OXR1: variants seen among roughly 807,000 people sequenced by gnomAD.
OXR1 encodes the protein oxidation resistance protein 1.
OXR1 carries 41 observed loss-of-function variants against 104.6 expected under a neutral mutation model. The observed-to-expected ratio is 0.39, with a 90% CI of 0.31 to 0.51. The LOEUF is 0.51. Among genes scored for constraint, OXR1 ranks in the 20% least tolerant of loss-of-function variants. OXR1 has a pLI of 0.77. For missense variants in OXR1, 955 were observed against 1,031.9 expected (o/e 0.93, Z 1.02); for synonymous variants, 348 against 348.4 (o/e 1.00, Z 0.01).
intron 6 of OXR1, among the ~76,000 whole-genome samples, chr8:106,687,785 A>G (rs868491542): frequency 7.2e-5 from 11 of 151,766 alleles, no homozygotes; most frequent in South Asian, 2.1e-4. Context: ...TATTGTATCC[A>G]TTTTATAGAG....
At chr8:106,420,419 C>G (rs938137593) in intron 2 of OXR1, among the ~76,000 whole-genome samples, 1 of 151,318 alleles carries the variant, frequency 6.6e-6, no homozygotes, top group African/African-American at 2.4e-5. Flanking sequence ...AATTTCAGTT[C>G]CAATTTTACA....
intron 7 of OXR1, chr8:106,697,791 C>G: frequency 6.2e-7 from 1 of 1,612,714 alleles, no homozygotes; most frequent in Middle Eastern, 1.7e-4. Flanking sequence ...TTACTGGGAC[C>G]TGCCCCTTGG....
chr8:106,634,001 G>A (rs980683497), intron 3 of OXR1, among the ~76,000 whole-genome samples: 1 of 152,104 alleles, frequency 6.6e-6, no homozygotes, highest in Non-Finnish European at 1.5e-5. Context: ...TACCTGAATC[G>A]ACAATAATCT....
intron 7 of OXR1, among the ~76,000 whole-genome samples, chr8:106,698,633 C>G (rs1830302080): frequency 6.6e-6 from 1 of 151,918 alleles, no homozygotes; most frequent in Non-Finnish European, 1.5e-5. Flanking sequence ...TTAAATTCAC[C>G]AATTTTTTTT....
chr8:106,422,443 G>A (rs1323999824), intron 2 of OXR1, among the ~76,000 whole-genome samples: 3 of 151,958 alleles, frequency 2.0e-5, no homozygotes, highest in South Asian at 2.1e-4. Context: ...CCTAGATTCC[G>A]TGCTGTGTCT....
intron 2 of OXR1, among the ~76,000 whole-genome samples, chr8:106,462,763 T>C (rs1820977176): frequency 6.6e-6 from 1 of 151,296 alleles, no homozygotes; most frequent in South Asian, 2.1e-4. Flanking sequence ...CCTTGGGAGA[T>C]GCATTCACTT....
intron 8 of OXR1, among the ~76,000 whole-genome samples, chr8:106,703,737 A>G (rs1830809202): frequency 6.6e-6 from 1 of 151,646 alleles, no homozygotes; most frequent in South Asian, 2.1e-4. Context: ...AGTAATGGCC[A>G]GAAAGAAAAG....
chr8:106,679,325 C>A, intron 4 of OXR1, 33 bp downstream of exon 4: 1 of 1,183,474 alleles, frequency 8.4e-7, no homozygotes, highest in Non-Finnish European at 1.2e-6. Flanking sequence ...AGCTATTTTT[C>A]TTTGTAAGAG....
At chr8:106,630,579 G>A (rs1034073439) in intron 3 of OXR1, among the ~76,000 whole-genome samples, 2 of 152,166 alleles carry the variant, frequency 1.3e-5, no homozygotes, top group Non-Finnish European at 2.9e-5. Context: ...TCATATGCAC[G>A]TGCAAGAAGT....
At chr8:106,427,283 C>T (rs1050996607) in intron 2 of OXR1, among the ~76,000 whole-genome samples, 3 of 152,098 alleles carry the variant, frequency 2.0e-5, no homozygotes, top group African/African-American at 7.2e-5. Flanking sequence ...TCTCCTGCCT[C>T]AGCCTCCCTA....
intron 1 of OXR1, among the ~76,000 whole-genome samples, chr8:106,303,074 A>T (rs867309227): frequency 4.0e-5 from 6 of 149,614 alleles, no homozygotes; most frequent in Admixed American, 6.6e-5. Flanking sequence ...TTTTTTTTTT[A>T]AATTACAGAT....
intron 1 of OXR1, among the ~76,000 whole-genome samples, chr8:106,343,828 GTTAAC>G (rs1432974796): frequency 3.9e-5 from 6 of 152,316 alleles, no homozygotes; most frequent in East Asian, 3.9e-4. Flanking sequence ...TTTTGCATGT[GTTAAC>G]TTAATTTTTA....
intron 1 of OXR1, among the ~76,000 whole-genome samples, chr8:106,278,615 T>A (rs7822653): frequency 0.043 from 6,508 of 152,302 alleles, 349 homozygotes; most frequent in African/African-American, 0.12. Flanking sequence ...CTTACTTTTT[T>A]AATTAACATA....
At chr8:106,698,899 T>G (rs1470062983) in intron 7 of OXR1, among the ~76,000 whole-genome samples, 1 of 152,192 alleles carries the variant, frequency 6.6e-6, no homozygotes, top group Non-Finnish European at 1.5e-5. Context: ...TTTACATGCC[T>G]GGTAATTTTT....
chr8:106,271,432 A>G (rs1811803322), intron 1 of OXR1, among the ~76,000 whole-genome samples: 1 of 151,538 alleles, frequency 6.6e-6, no homozygotes, highest in African/African-American at 2.4e-5. Flanking sequence ...GGGTAGGGGG[A>G]GTGGTGTCAG....
At chr8:106,636,495 AT>A (rs1208751004) in intron 3 of OXR1, among the ~76,000 whole-genome samples, 2 of 152,208 alleles carry the variant, frequency 1.3e-5, no homozygotes, top group African/African-American at 4.8e-5. Flanking sequence ...CTCAGCCATC[AT>A]CCCCAGAGAT....
At chr8:106,448,221 T>A (rs1820108521) in intron 2 of OXR1, among the ~76,000 whole-genome samples, 1 of 152,214 alleles carries the variant, frequency 6.6e-6, no homozygotes, top group African/African-American at 2.4e-5. Context: ...CCTGGCGAAG[T>A]GGGACCGTGA....
chr8:106,300,300 T>A (rs916402555), intron 1 of OXR1, among the ~76,000 whole-genome samples: 4 of 152,110 alleles, frequency 2.6e-5, no homozygotes, highest in African/African-American at 9.7e-5. Flanking sequence ...ATGGTTGCTT[T>A]GTATGTATTA....
intron 2 of OXR1, among the ~76,000 whole-genome samples, chr8:106,489,082 T>A (rs1223747565): frequency 6.7e-6 from 1 of 150,360 alleles, no homozygotes; most frequent in Admixed American, 6.7e-5. Flanking sequence ...CATTTCTTTG[T>A]ATCCTCTTTT....
Sources: allele counts gnomAD v4.1 joint callset (sites outside exome capture counted in the v4.1 genomes callset), GRCh38; gene constraint gnomAD v4.1.1; transcripts MANE v1.5; gene names NCBI Gene and HGNC (gene_info 2026-07-23, HGNC 2026-07-21).